ARIH1: variants seen among roughly 807,000 people sequenced by gnomAD.
ARIH1 encodes the protein ariadne RBR E3 ubiquitin protein ligase 1, also known as E3 ubiquitin-protein ligase ARIH1.
In ARIH1, 8 loss-of-function variants were observed where a neutral mutation model predicts 85.0. The ratio of observed to expected loss-of-function variants is 0.09; its 90% CI spans 0.06 to 0.17. The LOEUF is 0.17. Among genes scored for constraint, ARIH1 ranks in the 10% least tolerant of loss-of-function variants. ARIH1 has a pLI of 1.00. For missense variants in ARIH1, 311 were observed against 718.1 expected (o/e 0.43, Z 6.48); for synonymous variants, 238 against 253.6 (o/e 0.94, Z 0.59).
chr15:72,480,402 C>T (rs1199972414), intron 1 of ARIH1, among the ~76,000 whole-genome samples: 1 of 151,702 alleles, frequency 6.6e-6, no homozygotes, highest in Non-Finnish European at 1.5e-5. Flanking sequence ...ACTGGGATTA[C>T]AGGCACGCGC....
At chr15:72,574,690 C>A (rs1303144211) in intron 11 of ARIH1, among the ~76,000 whole-genome samples, 3 of 152,208 alleles carry the variant, frequency 2.0e-5, no homozygotes, top group Admixed American at 2.0e-4. Context: ...TACATAATCT[C>A]TGTTGTGACG....
chr15:72,490,376 C>T (rs1040778428), intron 1 of ARIH1, among the ~76,000 whole-genome samples: 5 of 152,064 alleles, frequency 3.3e-5, no homozygotes, highest in Non-Finnish European at 4.4e-5. Context: ...AGCCAGGGAG[C>T]GTTACCACCT....
Position 72,580,916 on chromosome 15 carries a change from G to A in ARIH1, c.1401G>A (p.Gln467=), listed in dbSNP as rs2140440271. ...FLKKAVDVLC[Q]CRATLMYTYV... is the part of the protein sequence containing the mutation. Reference sequence around the variant, plus strand: ...AGAAGGCAGTTGATGTCCTCTGCCAGTGTCGTGCCACACTCATGTACACTT... The same window carrying A: ...AGAAGGCAGTTGATGTCCTCTGCCAATGTCGTGCCACACTCATGTACACTT... The change falls in exon 12 of 14, where the codon CAG becomes CAA. Residue 467 remains glutamine (Q), a synonymous_variant. Transcript: ENST00000379887. 1 of 1,614,146 alleles carries A rather than the reference G, an allele frequency of 6.2e-7. No individual in the cohort carries two copies. Among genetic ancestry groups the A allele is most frequent in the Middle Eastern group, 1.6e-4 (1 of 6,062 alleles).
chr15:72,483,601 C>T (rs776390295), intron 1 of ARIH1, among the ~76,000 whole-genome samples: 16 of 152,110 alleles, frequency 1.1e-4, no homozygotes, highest in Non-Finnish European at 2.1e-4. Flanking sequence ...GCCTTTCTAT[C>T]CAATCTTTTT....
chr15:72,562,261 C>T lies in ARIH1; in HGVS notation c.804+712C>T, dbSNP rs567432671. On this transcript the variant is annotated intron_variant, in intron 6 of 13. Coordinates refer to ENST00000379887, the MANE Select transcript of ARIH1 (RefSeq NM_005744.5). The stretch of plus-strand genomic sequence containing the variant: ...ATGCCTTTGCCCATTTGTTCTATGA[C>T]TCCTTTTGTGCTACAGTGGCAGAGT... Among the ~76,000 whole-genome samples the T allele has an allele frequency of 3.3e-5, 5 of 152,268 alleles. No homozygotes were observed. In the East Asian group the frequency reaches 9.6e-4, roughly 29 times the overall value.
chr15:72,547,394 G>T (rs1298620492), intron 3 of ARIH1, among the ~76,000 whole-genome samples: 1 of 151,474 alleles, frequency 6.6e-6, no homozygotes, highest in Non-Finnish European at 1.5e-5. Flanking sequence ...CACCACACCC[G>T]GCTAATTTTT....
chr15:72,482,839 C>CT (rs34753101), intron 1 of ARIH1, among the ~76,000 whole-genome samples: 88,622 of 132,202 alleles, frequency 0.67, 33,661 homozygotes, highest in South Asian at 0.84. Context: ...CTCTCTCTCT[C>CT]TTTTTTTTTT....
Position 72,582,387 on chromosome 15 carries a change from A to G in ARIH1, c.1589+200A>G, listed in dbSNP as rs2140440805. On this transcript the variant is annotated intron_variant, in intron 13 of 13. Transcript: ENST00000379887. The surrounding 1 kb of genome is among the most constrained non-coding windows in gnomAD (Gnocchi z 4.6). ...GCATACATAGAGAAGGAATTCAGCC[A>G]TTTATTCTATTGGCTAATTCCACTT... 6.6e-6 allele frequency among the ~76,000 whole-genome samples: 1 copy of G among 152,288 alleles called. No individual in the cohort carries two copies. The highest frequency in any genetic ancestry group is 2.1e-4 in the South Asian group (1 of 4,832).
intron 12 of ARIH1, 89 bp downstream of exon 12, chr15:72,581,080 T>C (rs1337396596): frequency 7.3e-7 from 1 of 1,377,626 alleles, no homozygotes; most frequent in Non-Finnish European, 9.9e-7. Flanking sequence ...TTTTCAGGGT[T>C]CTTGTTTGTT....
intron 1 of ARIH1, among the ~76,000 whole-genome samples, chr15:72,513,201 A>G (rs947224295): frequency 6.6e-6 from 1 of 152,116 alleles, no homozygotes; most frequent in African/African-American, 2.4e-5. Context: ...TTTTAAAATT[A>G]CTTTTCTCTT....
At chr15:72,552,124 A>G (rs2064155322) in intron 3 of ARIH1, among the ~76,000 whole-genome samples, 1 of 152,274 alleles carries the variant, frequency 6.6e-6, no homozygotes, top group Non-Finnish European at 1.5e-5. Flanking sequence ...CCTAAGATAC[A>G]TTCATAAGAT....
chr15:72,511,439 G>A (rs988391366), intron 1 of ARIH1, among the ~76,000 whole-genome samples: 3 of 152,120 alleles, frequency 2.0e-5, no homozygotes, highest in African/African-American at 4.8e-5. Flanking sequence ...GAGTAGCTGA[G>A]ATTACAGGCG....
chr15:72,550,084 G>T (rs2064147037), intron 3 of ARIH1, among the ~76,000 whole-genome samples: 1 of 152,192 alleles, frequency 6.6e-6, no homozygotes, highest in African/African-American at 2.4e-5. Flanking sequence ...ACAGATTTGT[G>T]TCTTGGTTTT....
intron 1 of ARIH1, among the ~76,000 whole-genome samples, chr15:72,516,992 G>T (rs2063977831): frequency 6.6e-6 from 1 of 152,078 alleles, no homozygotes; most frequent in Non-Finnish European, 1.5e-5. Flanking sequence ...GACTTCTTAG[G>T]CCCCGTTGCA....
At chr15:72,553,331 A>G (rs937978483) in intron 3 of ARIH1, among the ~76,000 whole-genome samples, 1 of 152,164 alleles carries the variant, frequency 6.6e-6, no homozygotes, top group African/African-American at 2.4e-5. Context: ...AACTCTTAAG[A>G]TTTTAGAACA....
At chr15:72,484,094 A>G (rs112964347) in intron 1 of ARIH1, among the ~76,000 whole-genome samples, 5,790 of 151,092 alleles carry the variant, frequency 0.038, 167 homozygotes, top group Non-Finnish European at 0.061. Flanking sequence ...AATCACTTGA[A>G]CCCAGGAGAC....
At chr15:72,546,694 T>A in intron 3 of ARIH1, among the ~76,000 whole-genome samples, 1 of 151,630 alleles carries the variant, frequency 6.6e-6, no homozygotes, top group East Asian at 1.9e-4. Flanking sequence ...TTTGTTTTGT[T>A]TGTTTGTTTT....
At chr15:72,526,585 G>A (rs2140415325) in intron 2 of ARIH1, among the ~76,000 whole-genome samples, 1 of 152,254 alleles carries the variant, frequency 6.6e-6, no homozygotes, top group Non-Finnish European at 1.5e-5. Flanking sequence ...AGGAAACTTA[G>A]CTGGGCATGA....
At chr15:72,489,717 C>T (rs910156815) in intron 1 of ARIH1, among the ~76,000 whole-genome samples, 27 of 152,164 alleles carry the variant, frequency 1.8e-4, no homozygotes, top group African/African-American at 6.3e-4. Flanking sequence ...CTACCCTGGG[C>T]AGGTTTCCAC....
Sources: gnomAD v4.1 joint callset for allele counts (sites outside exome capture counted in the v4.1 genomes callset) on GRCh38, gnomAD v4.1.1 for gene constraint, Gnocchi (gnomAD v3.1) non-coding constraint, MANE v1.5 for transcripts, NCBI Gene and HGNC (gene_info 2026-07-23, HGNC 2026-07-21) for gene names.